CP: variants seen among roughly 807,000 people sequenced by gnomAD.
CP encodes caeruloplasmin.
In CP, 64 loss-of-function variants were observed where a neutral mutation model predicts 122.4. That is an observed-to-expected ratio of 0.52 (90% CI 0.43 to 0.64). CP has a LOEUF of 0.64. Ranked by LOEUF, CP falls within the 30% of genes least tolerant of loss-of-function variation. The pLI is 0.00. For synonymous variants in CP, 440 were observed against 436.4 expected (o/e 1.01, Z -0.10); for missense variants, 1,167 against 1,284.4 (o/e 0.91, Z 1.40).
At chr3:149,177,415 T>G (rs1488013819) in intron 17 of CP, among the ~76,000 whole-genome samples, 4 of 152,184 alleles carry the variant, frequency 2.6e-5, no homozygotes, top group African/African-American at 9.7e-5. Context: ...TATATAGGCA[T>G]CCCTCAGTAT....
At chr3:149,219,729 G>C (rs923881878) in intron 1 of CP, among the ~76,000 whole-genome samples, 1 of 151,990 alleles carries the variant, frequency 6.6e-6, no homozygotes, top group Non-Finnish European at 1.5e-5. Context: ...TACTGTAAAG[G>C]TACCCAAAAA....
At chr3:149,187,713 A>G (rs948938939) in intron 10 of CP, among the ~76,000 whole-genome samples, 4 of 152,178 alleles carry the variant, frequency 2.6e-5, no homozygotes, top group African/African-American at 9.7e-5. Flanking sequence ...TTTGTTGAAA[A>G]CAGATTGCCG....
At chr3:149,200,071 C>A in intron 7 of CP, 1 of 575,876 alleles carries the variant, frequency 1.7e-6, no homozygotes. Context: ...TTTAATTCAA[C>A]TTCAGATTAA....
chr3:149,218,008 A>G (rs762129985), intron 1 of CP: 7 of 257,650 alleles, frequency 2.7e-5, no homozygotes, highest in African/African-American at 4.7e-5. Context: ...AAAACCCGGT[A>G]ATAATGTTTG....
intron 9 of CP, among the ~76,000 whole-genome samples, chr3:149,193,619 AATAGTT>A (rs1356527517): frequency 3.3e-5 from 5 of 152,328 alleles, no homozygotes; most frequent in African/African-American, 9.6e-5. Context: ...TTTTAAAAAG[AATAGTT>A]ATAAAGGTCA....
intron 10 of CP, 126 bp downstream of exon 10, chr3:149,187,926 C>T (rs1028269056): frequency 1.0e-6 from 1 of 976,360 alleles, no homozygotes; most frequent in Non-Finnish European, 1.6e-6. Flanking sequence ...ACCTTCAGGA[C>T]ACTATTGTAA....
chr3:149,163,846 A>C, intron 5 of CP: 2 of 1,501,066 alleles, frequency 1.3e-6, no homozygotes, highest in Non-Finnish European at 1.9e-6. Context: ...TTTTAGATAA[A>C]TGCCTGTAGT....
intron 6 of CP, among the ~76,000 whole-genome samples, 166 bp downstream of exon 6, chr3:149,206,002 G>A (rs1008845245): frequency 1.3e-5 from 2 of 152,176 alleles, no homozygotes; most frequent in African/African-American, 2.4e-5. Flanking sequence ...AAAACTCATA[G>A]TTCTCAAGCT....
rs779349960 is a variant in CP, at chr3:149,209,273, C to A, written c.719G>T (p.Cys240Phe). 38 of 1,613,782 alleles carry A rather than the reference C, an allele frequency of 2.4e-5. No homozygotes were observed. In the South Asian group the frequency reaches 4.0e-4, roughly 17 times the overall value. The part of the protein sequence containing the change: ...WYLEDNIKTY[C>F]SEPEKVDKDN... ...TTTGTCAACTTTCTCTGGTTCTGAG[C>A]AGTAGGTTTTAATGTTGTCTTCTAG... The change falls in exon 4 of 19, where the codon TGC (cysteine) becomes TTC (phenylalanine). Residue 240 changes from cysteine (C) to phenylalanine (F), a missense_variant. Around this residue, in one of 2 missense-constraint regions of CP, gnomAD observed 642 missense variants for 627.3 expected, o/e 1.02. Coordinates refer to ENST00000264613, the MANE Select transcript of CP (RefSeq NM_000096.4).
intron 9 of CP, among the ~76,000 whole-genome samples, chr3:149,195,520 C>G (rs1315438579): frequency 6.6e-6 from 1 of 152,038 alleles, no homozygotes; most frequent in Non-Finnish European, 1.5e-5. Flanking sequence ...GAGGAATGAG[C>G]AATATTTCCA....
intron 18 of CP, chr3:149,175,999 A>G: frequency 2.0e-6 from 1 of 498,086 alleles, no homozygotes; most frequent in East Asian, 3.6e-5. Context: ...CTTTAAGTAT[A>G]ATTACACATT....
chr3:149,179,588 A>G lies in CP; in HGVS notation c.2629T>C (p.Trp877Arg), dbSNP rs927338542. The change falls in exon 15 of 19, where the codon TGG (tryptophan) becomes CGG (arginine). Residue 877 changes from tryptophan (W) to arginine (R), a missense_variant. Physicochemically the swap from Trp to Arg is moderately radical, Grantham distance 101 (BLOSUM62 -3). This residue lies in a region of CP where 525 missense variants were observed against 657.2 expected (regional missense o/e 0.80). Coordinates refer to ENST00000264613, the MANE Select transcript of CP (RefSeq NM_000096.4). Reference protein sequence around the residue: ...AGTEDSACIPWAYYSTVDQVK... With the variant: ...AGTEDSACIPRAYYSTVDQVK... The stretch of plus-strand genomic sequence containing the variant: ...TGATCCACAGTTGAATAATAAGCCC[A>G]TGGAATACAAGCAGAATCCTCTGTT... 9 of 1,613,818 alleles carry G rather than the reference A, an allele frequency of 5.6e-6. No homozygotes were observed. Among genetic ancestry groups the G allele is most frequent in the African/African-American group, 1.3e-5 (1 of 74,924 alleles).
chr3:149,171,559 A>G (rs2108197059), downstream of CP, among the ~76,000 whole-genome samples: 1 of 152,336 alleles, frequency 6.6e-6, no homozygotes, highest in Non-Finnish European at 1.5e-5. Context: ...AATAAATCCA[A>G]ATTTCATGTG....
chr3:149,194,245 ATT>A (rs10718513), intron 9 of CP, among the ~76,000 whole-genome samples: 1 of 137,916 alleles, frequency 7.3e-6, no homozygotes, highest in Non-Finnish European at 1.6e-5. Context: ...TTTATTTTTT[ATT>A]TTTTTTTTTG....
intron 5 of CP, among the ~76,000 whole-genome samples, chr3:149,164,146 G>T (rs1724176524): frequency 6.6e-6 from 1 of 152,162 alleles, no homozygotes; most frequent in Non-Finnish European, 1.5e-5. Context: ...GAACACCTGT[G>T]CTGAGCGGCT....
chr3:149,212,757 C>T, intron 1 of CP, 59 bp from the exon 2 acceptor site: 4 of 1,567,774 alleles, frequency 2.6e-6, no homozygotes, highest in South Asian at 2.3e-5. Context: ...ATGACATTAT[C>T]ATTATAATTT....
Position 149,176,320 on chromosome 3 carries a change from T to C in CP, c.3111A>G (p.Leu1037=). 2 of 1,613,438 alleles carry C rather than the reference T, an allele frequency of 1.2e-6. No homozygotes were observed. Among genetic ancestry groups the C allele is most frequent in the South Asian group, 2.2e-5 (2 of 91,066 alleles). The part of the protein sequence containing the change: ...EMFPRTPGIW[L]LHCHVTDHIH... ...TGTGGTCGGTCACATGGCAGTGGAG[T>C]AACCAAATTCCAGGTGTTCTTGGAA... The change falls in exon 18 of 19, where the codon TTA becomes TTG. Residue 1037 remains leucine (L), a synonymous_variant. Transcript: ENST00000264613.
At chr3:149,210,493 C>G (rs940253770) in intron 2 of CP, 114 bp from the exon 3 acceptor site, 2 of 931,954 alleles carry the variant, frequency 2.1e-6, no homozygotes, top group Non-Finnish European at 3.4e-6. Flanking sequence ...ACTATGTGAT[C>G]CTTGGGGATG....
intron 15 of CP, among the ~76,000 whole-genome samples, chr3:149,179,310 C>T (rs1725631960): frequency 1.3e-5 from 2 of 152,052 alleles, no homozygotes; most frequent in Admixed American, 1.3e-4. Flanking sequence ...TACCTGTGAC[C>T]CACAAGACAA....
Sources: gnomAD v4.1 joint callset for allele counts (sites outside exome capture counted in the v4.1 genomes callset) on GRCh38, gnomAD v4.1.1 for gene constraint, gnomAD v4.1.1 regional missense constraint, MANE v1.5 for transcripts, NCBI Gene and HGNC (gene_info 2026-07-23, HGNC 2026-07-21) for gene names.